The following TSPAN9 variants were observed in gnomAD, a reference collection of about 807,000 sequenced individuals.
TSPAN9 encodes tetraspanin 9.
TSPAN9 carries 16 observed loss-of-function variants against 31.0 expected under a neutral mutation model. The ratio of observed to expected loss-of-function variants is 0.52; its 90% CI spans 0.35 to 0.78. The LOEUF (loss-of-function observed/expected upper bound fraction) is 0.78. Among genes scored for constraint, TSPAN9 ranks in the 30% least tolerant of loss-of-function variants. The pLI, the probability that TSPAN9 is intolerant of heterozygous loss-of-function variation, is 0.01. For missense variants in TSPAN9, 272 were observed against 312.5 expected, an observed-to-expected ratio of 0.87 and a Z score of 0.98; for synonymous variants, 145 against 121.6, an observed-to-expected ratio of 1.19 and a Z score of -1.27.
At chr12:3,095,664 T>C (rs2098308043) in intron 2 of TSPAN9, among the ~76,000 whole-genome samples, 1 of 142,344 alleles carries the variant, frequency 7.0e-6, no homozygotes, top group African/African-American at 2.6e-5. Flanking sequence ...ACGGGGCGGC[T>C]GGCCAGGCAG....
rs1555142547 is a variant in TSPAN9 at position 3,118,259 on chromosome 12, T to TTTTG, written c.-18+34543_-18+34544insGTTT. On this transcript the variant is annotated intron_variant, in intron 2 of 8. Transcript: ENST00000011898. ...CCGCACCGCCCCTGCACCCGCCGTTTTTTTTTTTTTTTTTTTTTTTTGAGA... is the reference window on the plus strand; with the variant it reads ...CCGCACCGCCCCTGCACCCGCCGTTTTTTGTTTTTTTTTTTTTTTTTTTTTGAGA... 2.3e-3 allele frequency among the ~76,000 whole-genome samples: 137 copies of TTTTG among 58,714 alleles called. 9 individuals are homozygous for TTTTG. Among genetic ancestry groups the TTTTG allele is most frequent in the Non-Finnish European group, 3.0e-3 (97 of 31,852 alleles). 38.5% of individuals were successfully genotyped at this position (58,714 alleles called of 152,430 possible). A position where few individuals can be genotyped will look rare whatever the true frequency, so the allele number is the denominator to read the frequency against.
intron 2 of TSPAN9, among the ~76,000 whole-genome samples, chr12:3,106,257 T>G (rs2098314625): frequency 1.3e-5 from 2 of 152,240 alleles, no homozygotes; most frequent in African/African-American, 4.8e-5. Context: ...TGGGAGTTTC[T>G]GACAGTGGTG....
intron 3 of TSPAN9, among the ~76,000 whole-genome samples, chr12:3,211,384 T>C (rs1485696506): frequency 1.3e-5 from 2 of 152,186 alleles, no homozygotes; most frequent in Non-Finnish European, 2.9e-5. Flanking sequence ...ATAATAAGTC[T>C]CAATATCTGG....
intron 2 of TSPAN9, among the ~76,000 whole-genome samples, chr12:3,118,255 C>CGTTTTTTT (rs2098323360): frequency 5.0e-5 from 1 of 20,116 alleles, no homozygotes; most frequent in Non-Finnish European, 1.6e-4. Context: ...CTGCACCCGC[C>CGTTTTTTT]GTTTTTTTTT....
chr12:3,269,489 TCTGCAGCCTGCCCTCTCTGTG>T (rs1862627541), intron 3 of TSPAN9, among the ~76,000 whole-genome samples: 1 of 127,484 alleles, frequency 7.8e-6, no homozygotes. Flanking sequence ...CCTCTGTGTT[TCTGCAGCCTGCCCTCTCTGTG>T]TTCCTGCAGC....
rs1039232457 is a variant in TSPAN9, at chr12:3,170,790, T to C, written c.-17-30387T>C. 6.6e-6 allele frequency among the ~76,000 whole-genome samples: 1 copy of C among 152,182 alleles called. No individual in the cohort carries two copies. The highest frequency in any genetic ancestry group is 2.4e-5 in the African/African-American group (1 of 41,446). ...CTGTGGCACCTGTGGGGCTGCTGGC[T>C]GAGGCTTCGAGGTCCACCATCACCT... On this transcript the variant is annotated intron_variant, in intron 2 of 8. Coordinates refer to ENST00000011898, the MANE Select transcript of TSPAN9 (RefSeq NM_006675.5). The surrounding 1 kb of genome is among the most constrained non-coding windows in gnomAD (Gnocchi z 4.4).
chr12:3,085,647 G>T (rs572165286), intron 2 of TSPAN9, among the ~76,000 whole-genome samples: 2 of 152,120 alleles, frequency 1.3e-5, no homozygotes, highest in African/African-American at 4.8e-5. Flanking sequence ...TGGGCAAGTC[G>T]ATTGGCTTCT....
At chr12:3,195,434 AAAAAT>A (rs1385977788) in intron 2 of TSPAN9, among the ~76,000 whole-genome samples, 2 of 152,104 alleles carry the variant, frequency 1.3e-5, no homozygotes, top group African/African-American at 2.4e-5. Flanking sequence ...TTGTTAAAAA[AAAAAT>A]AAAAGAAAAG....
chr12:3,147,381 C>T lies in TSPAN9; in HGVS notation c.-17-53796C>T, dbSNP rs545181562. Among the ~76,000 whole-genome samples, 3 of 152,084 alleles carry T rather than the reference C, an allele frequency of 2.0e-5. No homozygotes were observed. The highest frequency in any genetic ancestry group is 1.9e-4 in the East Asian group (1 of 5,170). On this transcript the variant is annotated intron_variant, in intron 2 of 8. Transcript: ENST00000011898. This position sits in a 1 kb window ranked among gnomAD's most constrained non-coding sequence, Gnocchi z 4.3. ...CTGCATCCTGCTGAGTGTTGGGGCC[C>T]GGGAGACCCTCGCCGAGGAGCAAGG...
chr12:3,202,163 ACTT>A (rs1442200180), intron 3 of TSPAN9, among the ~76,000 whole-genome samples: 23 of 152,168 alleles, frequency 1.5e-4, no homozygotes, highest in African/African-American at 5.1e-4. Context: ...ACATTTGAAA[ACTT>A]CTTAAATTCA....
chr12:3,090,676 C>T (rs915794092), intron 2 of TSPAN9, among the ~76,000 whole-genome samples: 4 of 152,180 alleles, frequency 2.6e-5, no homozygotes, highest in African/African-American at 7.2e-5. Context: ...AGGCTGGCCA[C>T]GGCACAAGGA....
chr12:3,260,527 C>T (rs192611262), intron 3 of TSPAN9, among the ~76,000 whole-genome samples: 1 of 152,340 alleles, frequency 6.6e-6, no homozygotes, highest in African/African-American at 2.4e-5. Context: ...GGGAGCTGGC[C>T]TTCTGTGAAA....
At chr12:3,144,470 G>A (rs1331396923) in intron 2 of TSPAN9, among the ~76,000 whole-genome samples, 1 of 152,170 alleles carries the variant, frequency 6.6e-6, no homozygotes, top group East Asian at 1.9e-4. Context: ...GCACAGGTTG[G>A]AGCAATGTTC....
chr12:3,153,640 C>G (rs117449959), intron 2 of TSPAN9, among the ~76,000 whole-genome samples: 14,306 of 152,148 alleles, frequency 0.094, 890 homozygotes, highest in Middle Eastern at 0.16. Flanking sequence ...TTTTAACTTA[C>G]CTAAATAGTA....
intron 2 of TSPAN9, among the ~76,000 whole-genome samples, chr12:3,106,055 A>C (rs2153964850): frequency 6.8e-6 from 1 of 147,708 alleles, no homozygotes; most frequent in East Asian, 2.1e-4. Context: ...CCCCATGTGC[A>C]CCTACACATA....
rs2098352402 is a variant in TSPAN9 at position 3,172,319 on chromosome 12, C to T, written c.-17-28858C>T. On this transcript the variant is annotated intron_variant, in intron 2 of 8. Transcript: ENST00000011898. The surrounding 1 kb of genome is among the most constrained non-coding windows in gnomAD (Gnocchi z 4.8). ...CCCTCTCTGTCTTGCGGCCCTCTGC[C>T]TCCCCGCCCAGCTCTGGAGGCAGCC... is the stretch of plus-strand genomic sequence containing the variant. 6.6e-6 allele frequency: 1 copy of T among 152,358 alleles called. No individual in the cohort carries two copies. Among genetic ancestry groups the T allele is most frequent in the South Asian group, 2.1e-4 (1 of 4,836 alleles). 9.4% of individuals were successfully genotyped at this position (152,358 alleles called of 1,614,324 possible).
At chr12:3,249,634 T>C (rs1370725335) in intron 3 of TSPAN9, among the ~76,000 whole-genome samples, 1 of 152,220 alleles carries the variant, frequency 6.6e-6, no homozygotes, top group East Asian at 1.9e-4. Flanking sequence ...TGGTTAGGGC[T>C]GCTCTCCGAG....
intron 3 of TSPAN9, among the ~76,000 whole-genome samples, chr12:3,278,218 T>G (rs1322970360): frequency 6.6e-6 from 1 of 152,206 alleles, no homozygotes; most frequent in Non-Finnish European, 1.5e-5. Flanking sequence ...ATGGGGAGAC[T>G]GAGGCACAGA....
At chr12:3,207,513 A>G (rs1591677108) in intron 3 of TSPAN9, among the ~76,000 whole-genome samples, 1 of 152,126 alleles carries the variant, frequency 6.6e-6, no homozygotes, top group Non-Finnish European at 1.5e-5. Flanking sequence ...GGGGAGCAGC[A>G]CAAGGTCGAG....
Sources: gnomAD v4.1 joint callset for allele counts (sites outside exome capture counted in the v4.1 genomes callset) on GRCh38, gnomAD v4.1.1 for gene constraint, Gnocchi (gnomAD v3.1) non-coding constraint, MANE v1.5 for transcripts, NCBI Gene and HGNC (gene_info 2026-07-23, HGNC 2026-07-21) for gene names.